CTNNBIP1: variants seen among roughly 807,000 people sequenced by gnomAD.
CTNNBIP1 encodes the protein catenin beta interacting protein 1, also known as beta-catenin-interacting protein 1.
A neutral mutation model predicts 11.8 loss-of-function variants in CTNNBIP1; 7 were observed. That is an observed-to-expected ratio of 0.60 (90% confidence interval 0.34 to 1.12). The LOEUF is 1.12. Ranked by LOEUF, CTNNBIP1 falls within the 50% of genes most tolerant of loss-of-function variation. CTNNBIP1 has a pLI of 0.03. For missense variants in CTNNBIP1, 101 were observed against 113.4 expected (o/e 0.89, Z 0.50); for synonymous variants, 58 against 43.9 (o/e 1.32, Z -1.26).
rs2101478940 is a variant in CTNNBIP1 at position 9,871,265 on chromosome 1, C to T, written c.109G>A (p.Glu37Lys). ...GCATAGGTGCGCAGGAACTCCTCCT[C>T]GCTGGCTGTCAGCTGCAGGGTGAGA... is the stretch of plus-strand genomic sequence containing the variant. The part of the protein sequence containing the change: ...RKMGSNLTAS[E>K]EEFLRTYAGV... Residue 37 changes from glutamate (E) to lysine (K), a missense_variant, in exon 5 of 6, where the codon GAG becomes AAG. Glu to Lys is a moderately conservative substitution (Grantham distance 56). Coordinates refer to ENST00000377263, the MANE Select transcript of CTNNBIP1 (RefSeq NM_020248.3). This position sits in a 1 kb window ranked among gnomAD's most constrained non-coding sequence, Gnocchi z 5.2. 3 of 1,569,992 alleles carry T rather than the reference C, an allele frequency of 1.9e-6. No individual in the cohort carries two copies. Among genetic ancestry groups the T allele is most frequent in the Non-Finnish European group, 2.6e-6 (3 of 1,157,672 alleles).
rs1185215787 is a variant in CTNNBIP1 at position 9,871,582 on chromosome 1, C to G, written c.97-305G>C. 6.6e-6 allele frequency among the ~76,000 whole-genome samples: 1 copy of G among 152,148 alleles called. No homozygotes were observed. The highest frequency in any genetic ancestry group is 6.5e-5 in the Admixed American group (1 of 15,280). On this transcript the variant is annotated intron_variant, in intron 4 of 5. Transcript: ENST00000377263. This position sits in a 1 kb window ranked among gnomAD's most constrained non-coding sequence, Gnocchi z 5.2. Reference sequence around the variant, plus strand: ...AAGGCTGAGGGGCGATTCCATGTCCCTCCACTCTTTTTGAGAAATACCCCT... The same window carrying G: ...AAGGCTGAGGGGCGATTCCATGTCCGTCCACTCTTTTTGAGAAATACCCCT...
chr1:9,883,006 GA>G lies in CTNNBIP1; in HGVS notation c.-110+698del, dbSNP rs1311071195. 6.6e-6 allele frequency among the ~76,000 whole-genome samples: 1 copy of G among 152,234 alleles called. No individual in the cohort carries two copies. Among genetic ancestry groups the G allele is most frequent in the East Asian group, 1.9e-4 (1 of 5,196 alleles). ...GAGTGAGAATGGGGGGCCTCAGGAAGAAAACACGTGCAAGCACGGGTGGGGC... is the reference window on the plus strand; with the variant it reads ...GAGTGAGAATGGGGGGCCTCAGGAAGAAACACGTGCAAGCACGGGTGGGGC... On this transcript the variant is annotated intron_variant, in intron 2 of 5. Transcript: ENST00000377263. This position sits in a 1 kb window ranked among gnomAD's most constrained non-coding sequence, Gnocchi z 5.6.
At chr1:9,890,952 T>TGGGTCACCTCCAGAGAGTGC (rs771123763) in intron 1 of CTNNBIP1, among the ~76,000 whole-genome samples, 2 of 152,066 alleles carry the variant, frequency 1.3e-5, no homozygotes, top group Non-Finnish European at 2.9e-5. Flanking sequence ...CTGGAGAGCA[T>TGGGTCACCTCCAGAGAGTGC]GGGTCACCTC....
chr1:9,856,495 C>G (rs1023319280), intron 5 of CTNNBIP1, among the ~76,000 whole-genome samples: 79 of 147,588 alleles, frequency 5.4e-4, no homozygotes, highest in Non-Finnish European at 9.1e-4. Context: ...GACTATTACG[C>G]AAAATACGTA....
chr1:9,854,513 C>T lies in CTNNBIP1; in HGVS notation c.188-3737G>A, dbSNP rs143682488. 2.0e-3 allele frequency among the ~76,000 whole-genome samples: 311 copies of T among 152,142 alleles called. 2 individuals carry two copies. The highest frequency in any genetic ancestry group is 6.7e-3 in the African/African-American group (280 of 41,510). Reference sequence around the variant, plus strand: ...AGATTATGAACAAGAAAAGGATGTCCGCTTTCACCATTCTTATTCAATATT... The same window carrying T: ...AGATTATGAACAAGAAAAGGATGTCTGCTTTCACCATTCTTATTCAATATT... On this transcript the variant is annotated intron_variant, in intron 5 of 5. Transcript: ENST00000377263.
rs535574556 is a variant in CTNNBIP1 at position 9,895,422 on chromosome 1, T to C, written c.-143-11684A>G. On this transcript the variant is annotated intron_variant, in intron 1 of 5. Coordinates refer to ENST00000377263, the MANE Select transcript of CTNNBIP1 (RefSeq NM_020248.3). ...CATGTTGGGCAGGCTGGTCTTGAAC[T>C]CCTGACTTCACGTGATCCGCCCGCC... Among the ~76,000 whole-genome samples, 6 of 151,358 alleles carry C rather than the reference T, an allele frequency of 4.0e-5. No individual in the cohort carries two copies. The South Asian group carries it at 1.3e-3, about 32-fold the overall frequency.
At chr1:9,876,042 T>C (rs953032303) in intron 3 of CTNNBIP1, among the ~76,000 whole-genome samples, 3 of 152,248 alleles carry the variant, frequency 2.0e-5, no homozygotes, top group Non-Finnish European at 4.4e-5. Flanking sequence ...ATCAGATTCA[T>C]TTCACTTGAG....
chr1:9,853,706 T>C (rs1373561243), intron 5 of CTNNBIP1, among the ~76,000 whole-genome samples: 11 of 152,192 alleles, frequency 7.2e-5, no homozygotes. Flanking sequence ...GAACTTGAGC[T>C]CAGAGCTTCT....
At chr1:9,906,709 GAACAA>G (rs906052315) in intron 1 of CTNNBIP1, among the ~76,000 whole-genome samples, 1 of 152,246 alleles carries the variant, frequency 6.6e-6, no homozygotes, top group African/African-American at 2.4e-5. Flanking sequence ...TGAGCCCTGT[GAACAA>G]GACACTGCTG....
At chr1:9,861,392 G>C (rs1177281699) in intron 5 of CTNNBIP1, among the ~76,000 whole-genome samples, 4 of 152,236 alleles carry the variant, frequency 2.6e-5, no homozygotes, top group Non-Finnish European at 5.9e-5. Context: ...ATTTTCAGCA[G>C]CTCGGGACTA....
intron 1 of CTNNBIP1, among the ~76,000 whole-genome samples, chr1:9,884,525 G>A (rs1639147306): frequency 6.6e-6 from 1 of 152,194 alleles, no homozygotes; most frequent in African/African-American, 2.4e-5. Flanking sequence ...TCACAACCAG[G>A]ACAAGGTGTG....
chr1:9,871,680 G>A lies in CTNNBIP1; in HGVS notation c.96+289C>T, dbSNP rs1475419700. Among the ~76,000 whole-genome samples the A allele has an allele frequency of 6.6e-6, 1 of 152,168 alleles. No individual in the cohort carries two copies. Among genetic ancestry groups the A allele is most frequent in the Admixed American group, 6.5e-5 (1 of 15,282 alleles). ...CCCTGAGCTGCCCCCTGGGAGAGAA[G>A]ACTTTCGGGCTTGTGAGGGGGAGAA... On this transcript the variant is annotated intron_variant, in intron 4 of 5. Transcript: ENST00000377263. This position sits in a 1 kb window ranked among gnomAD's most constrained non-coding sequence, Gnocchi z 5.2.
rs749683165 is a variant in CTNNBIP1, at chr1:9,872,056, G to A, written c.9C>T (p.Arg3=). The part of the protein sequence containing the change: MN[R]EGAPGKSPEE... ...CCGGACTCTTCCCGGGAGCTCCCTC[G>A]CGGTTCATCCCCCTGCCTGGCTCTG... Residue 3 remains arginine, a synonymous_variant, in exon 4 of 6, where the codon CGC becomes CGT. Transcript: ENST00000377263. The surrounding 1 kb of genome is among the most constrained non-coding windows in gnomAD (Gnocchi z 4.0). 31 of 1,613,834 alleles carry A rather than the reference G, an allele frequency of 1.9e-5. No individual in the cohort carries two copies. Among genetic ancestry groups the A allele is most frequent in the African/African-American group, 1.2e-4 (9 of 74,922 alleles).
At chr1:9,908,860 T>C (rs1377278819) in intron 1 of CTNNBIP1, among the ~76,000 whole-genome samples, 1 of 152,228 alleles carries the variant, frequency 6.6e-6, no homozygotes, top group Admixed American at 6.5e-5. Flanking sequence ...TGGCACATAG[T>C]AAATGCTCAC....
At chr1:9,857,858 C>T (rs931152931) in intron 5 of CTNNBIP1, among the ~76,000 whole-genome samples, 1 of 152,180 alleles carries the variant, frequency 6.6e-6, no homozygotes, top group Non-Finnish European at 1.5e-5. Flanking sequence ...CATTTCACAT[C>T]TACTAGAATC....
chr1:9,876,166 G>A (rs1470258217), intron 3 of CTNNBIP1, among the ~76,000 whole-genome samples: 1 of 152,176 alleles, frequency 6.6e-6, no homozygotes, highest in African/African-American at 2.4e-5. Context: ...TCCAGTCCTT[G>A]AACGTGAGAA....
At position 9,883,508 on chromosome 1, in the gene CTNNBIP1, C is replaced by T. The variant is rs1485680120; in HGVS notation, c.-110+197G>A. Among the ~76,000 whole-genome samples, 1 of 152,170 alleles carries T rather than the reference C, an allele frequency of 6.6e-6. No homozygotes were observed. The highest frequency in any genetic ancestry group is 1.5e-5 in the Non-Finnish European group (1 of 68,022). On this transcript the variant is annotated intron_variant, in intron 2 of 5. Transcript: ENST00000377263. This position sits in a 1 kb window ranked among gnomAD's most constrained non-coding sequence, Gnocchi z 5.6. ...AGCCCTCACTAAGCATGGGACTGCC[C>T]CCCATGCACATGCTCCAACAGGACA...
At chr1:9,900,912 G>A (rs976763853) in intron 1 of CTNNBIP1, among the ~76,000 whole-genome samples, 2 of 152,188 alleles carry the variant, frequency 1.3e-5, no homozygotes, top group African/African-American at 4.8e-5. Context: ...TCCAGAAGCC[G>A]AGTGTGAGCA....
At chr1:9,893,175 A>G (rs935808532) in intron 1 of CTNNBIP1, 4 of 152,210 alleles carry the variant, frequency 2.6e-5, no homozygotes, top group Admixed American at 2.0e-4. Context: ...GAATCCACCC[A>G]CAAACCCTGG....
Sources: allele counts gnomAD v4.1 joint callset (sites outside exome capture counted in the v4.1 genomes callset), GRCh38; gene constraint gnomAD v4.1.1; non-coding constraint Gnocchi (gnomAD v3.1); transcripts MANE v1.5; gene names NCBI Gene and HGNC (gene_info 2026-07-23, HGNC 2026-07-21).